Variants in RNLS observed in about 807,000 individuals in gnomAD.
RNLS encodes the protein renalase, FAD dependent amine oxidase, also known as renalase.
Under a neutral mutation model 39.8 loss-of-function variants are expected in RNLS, and 39 were observed. That is an observed-to-expected ratio of 0.98 (90% CI 0.76 to 1.28). The LOEUF is 1.28. Among genes scored for constraint, RNLS ranks in the 50% most tolerant of loss-of-function variants. The pLI is 0.00. For missense variants in RNLS, 410 were observed against 413.3 expected (o/e 0.99, Z 0.07); for synonymous variants, 147 against 150.7 (o/e 0.98, Z 0.18).
intron 4 of RNLS, among the ~76,000 whole-genome samples, chr10:88,570,888 AGC>A (rs1849779739): frequency 6.6e-6 from 1 of 152,112 alleles, no homozygotes; most frequent in Admixed American, 6.5e-5. Context: ...TGTATAGCCT[AGC>A]AACTATAGTT....
chr10:88,577,220 A>T (rs1052997378), intron 3 of RNLS, among the ~76,000 whole-genome samples: 3 of 152,196 alleles, frequency 2.0e-5, no homozygotes, highest in Admixed American at 2.0e-4. Context: ...AGGTTGTTCT[A>T]TTGAACCATG....
chr10:88,553,123 T>C (rs767696913), intron 4 of RNLS, among the ~76,000 whole-genome samples: 1 of 152,210 alleles, frequency 6.6e-6, no homozygotes, highest in Non-Finnish European at 1.5e-5. Context: ...AGTGACTAAA[T>C]TGTGTTTATG....
In RNLS at chr10:88,356,116, C is replaced by T. The variant is rs927312068; in HGVS notation, c.700+6436G>A. On this transcript the variant is annotated intron_variant, in intron 5 of 6. Transcript: ENST00000331772. ...GACTGATTTTCCAAGTGCTGTCTGT[C>T]GCAGCTTTGCTTGGCTATGAAAGGG... 3.9e-5 allele frequency among the ~76,000 whole-genome samples: 6 copies of T among 152,170 alleles called. No homozygotes were observed. The East Asian group carries it at 9.6e-4, about 24-fold the overall frequency.
intron 4 of RNLS, among the ~76,000 whole-genome samples, chr10:88,469,340 G>A (rs1341352244): frequency 2.6e-5 from 4 of 152,160 alleles, no homozygotes; most frequent in Admixed American, 2.6e-4. Context: ...GAGGCATGTG[G>A]CTCAGATAGA....
chr10:88,176,415 C>G, the RNLS span, among the ~76,000 whole-genome samples: 1 of 152,158 alleles, frequency 6.6e-6, no homozygotes, highest in Admixed American at 6.5e-5. Flanking sequence ...ACCTCATGAT[C>G]CACCTGCCTT....
chr10:88,227,464 A>G, the RNLS span, among the ~76,000 whole-genome samples: 1 of 152,198 alleles, frequency 6.6e-6, no homozygotes, highest in Non-Finnish European at 1.5e-5. Context: ...TCCTCAGCTA[A>G]TGTCAGCCAT....
At chr10:88,215,691 ATT>A in the RNLS span, among the ~76,000 whole-genome samples, 32 of 95,436 alleles carry the variant, frequency 3.4e-4, no homozygotes, top group East Asian at 4.1e-3. Flanking sequence ...ACCATCTGTA[ATT>A]TTTTTTTTTT....
intron 4 of RNLS, among the ~76,000 whole-genome samples, chr10:88,474,338 T>C (rs777405936): frequency 6.6e-6 from 1 of 152,178 alleles, no homozygotes; most frequent in Non-Finnish European, 1.5e-5. Flanking sequence ...TGGGGCATAA[T>C]TGGCATTTGA....
rs1317568029 is a variant in RNLS, at chr10:88,398,897, CTTCT to C, written c.527-36176_527-36173del. On this transcript the variant is annotated intron_variant, in intron 4 of 6. Transcript: ENST00000331772. ...TGCATATCATATATCCAATAGGGAA[CTTCT>C]ATCTAAAATACACAAAGAACTCTTA... Among the ~76,000 whole-genome samples the C allele has an allele frequency of 6.6e-5, 10 of 151,962 alleles. No homozygotes were observed. In the East Asian group the frequency reaches 1.7e-3, roughly 26 times the overall value.
At chr10:88,262,619 C>A in the RNLS span, among the ~76,000 whole-genome samples, 1 of 152,046 alleles carries the variant, frequency 6.6e-6, no homozygotes. Flanking sequence ...AGTATAATAC[C>A]TATGATAAGT....
chr10:88,455,686 G>A (rs1027374734), intron 4 of RNLS, among the ~76,000 whole-genome samples: 1 of 152,090 alleles, frequency 6.6e-6, no homozygotes, highest in Non-Finnish European at 1.5e-5. Flanking sequence ...AATTACAGGC[G>A]TGAGCCACCA....
intron 4 of RNLS, among the ~76,000 whole-genome samples, chr10:88,513,592 C>T (rs912513308): frequency 2.0e-5 from 3 of 152,064 alleles, no homozygotes; most frequent in African/African-American, 7.2e-5. Context: ...TTGCAGATAT[C>T]ACTACACCTC....
the RNLS span, among the ~76,000 whole-genome samples, chr10:88,215,331 A>T: frequency 6.6e-6 from 1 of 152,292 alleles, no homozygotes; most frequent in East Asian, 1.9e-4. Context: ...GGCTAAGAAA[A>T]TAGACTGAAC....
chr10:88,562,755 C>T (rs542711058), intron 4 of RNLS, among the ~76,000 whole-genome samples: 2 of 152,096 alleles, frequency 1.3e-5, no homozygotes, highest in Admixed American at 6.5e-5. Context: ...AAGGGTTGAA[C>T]TCATCTATCA....
chr10:88,492,183 C>T lies in RNLS; in HGVS notation c.526+80720G>A, dbSNP rs564507135. 8.5e-4 allele frequency among the ~76,000 whole-genome samples: 129 copies of T among 152,024 alleles called. 1 individual carries two copies. Among genetic ancestry groups the T allele is most frequent in the Non-Finnish European group, 1.5e-3 (102 of 67,982 alleles). ...ACTGATTTTCCCAGCAACCTGACCC[C>T]TGCTGCCATTGCTTCCCCACTCTTT... On this transcript the variant is annotated intron_variant, in intron 4 of 6. Transcript: ENST00000331772.
At chr10:88,317,788 T>C (rs949205628) in intron 5 of RNLS, among the ~76,000 whole-genome samples, 1 of 152,030 alleles carries the variant, frequency 6.6e-6, no homozygotes, top group African/African-American at 2.4e-5. Flanking sequence ...ATCCAGGACC[T>C]GACAGAGTGC....
chr10:88,253,195 G>A, the RNLS span, among the ~76,000 whole-genome samples: 3 of 152,140 alleles, frequency 2.0e-5, no homozygotes, highest in Non-Finnish European at 4.4e-5. Context: ...TCAGAGCCTC[G>A]GTCACTGTCC....
Position 88,308,441 on chromosome 10 carries a change from T to TA in RNLS, c.876+6024dup, listed in dbSNP as rs61265471. On this transcript the variant is annotated intron_variant, in intron 6 of 6. Coordinates refer to ENST00000331772, the MANE Select transcript of RNLS (RefSeq NM_001031709.3). ...AGGAACTTAACAAATTTACAAAAAA[T>TA]AAAAAAAAAACCCCATTAACAAGTG... Among the ~76,000 whole-genome samples, 1,873 of 126,038 alleles carry TA rather than the reference T, an allele frequency of 0.015. 146 individuals are homozygous for TA. In the East Asian group the frequency reaches 0.24, roughly 16 times the overall value. 82.7% of individuals were successfully genotyped at this position (126,038 alleles called of 152,430 possible). A position where few individuals can be genotyped will look rare whatever the true frequency, so the allele number is the denominator to read the frequency against.
intron 5 of RNLS, among the ~76,000 whole-genome samples, chr10:88,322,169 C>G (rs895472537): frequency 1.3e-5 from 2 of 152,090 alleles, no homozygotes; most frequent in Non-Finnish European, 2.9e-5. Context: ...TGATTCACCA[C>G]ATAAACAAAA....
Sources: allele counts gnomAD v4.1 joint callset (sites outside exome capture counted in the v4.1 genomes callset), GRCh38; gene constraint gnomAD v4.1.1; transcripts MANE v1.5; gene names NCBI Gene and HGNC (gene_info 2026-07-23, HGNC 2026-07-21).